Variants in NXPH1 observed in about 807,000 individuals in gnomAD.
NXPH1 encodes the protein neurexophilin-1.
A neutral mutation model predicts 23.7 loss-of-function variants in NXPH1; 5 were observed. The ratio of observed to expected loss-of-function variants is 0.21; its 90% confidence interval spans 0.11 to 0.44. NXPH1 has a LOEUF of 0.44. Ranked by LOEUF, NXPH1 falls within the 20% of genes least tolerant of loss-of-function variation. The pLI, the probability that NXPH1 is intolerant of heterozygous loss-of-function variation, is 0.99. For missense variants in NXPH1, 324 were observed against 321.6 expected (o/e 1.01, Z -0.06); for synonymous variants, 144 against 122.2 (o/e 1.18, Z -1.18).
At chr7:8,448,805 A>G (rs1348288232) in intron 2 of NXPH1, among the ~76,000 whole-genome samples, 1 of 142,804 alleles carries the variant, frequency 7.0e-6, no homozygotes, top group African/African-American at 2.8e-5. Flanking sequence ...ACAGAGCAAG[A>G]CTTCGTCTCG....
intron 2 of NXPH1, among the ~76,000 whole-genome samples, chr7:8,466,019 G>T (rs568480253): frequency 6.6e-6 from 1 of 152,124 alleles, no homozygotes. Flanking sequence ...TCCTTGACTC[G>T]CTTTAATTCA....
chr7:8,435,606 T>A lies in NXPH1; in HGVS notation c.-108T>A. ...TGTCTAATTTTATTTGCATCTAGGC[T>A]GCTGAGAGCGCTCCTTGCTCTGTAA... is the stretch of plus-strand genomic sequence containing the variant. On this transcript the variant is annotated splice_region_variant and 5_prime_UTR_variant, in exon 2 of 3. Coordinates refer to ENST00000405863, the MANE Select transcript of NXPH1 (RefSeq NM_152745.3). The surrounding 1 kb of genome is among the most constrained non-coding windows in gnomAD (Gnocchi z 5.9). 1 of 991,644 alleles carries A rather than the reference T, an allele frequency of 1.0e-6. No homozygotes were observed. The highest frequency in any genetic ancestry group is 1.6e-6 in the Non-Finnish European group (1 of 613,484). 61.4% of individuals were successfully genotyped at this position (991,644 alleles called of 1,614,324 possible). A position where few individuals can be genotyped will look rare whatever the true frequency, so the allele number is the denominator to read the frequency against.
At chr7:8,594,247 T>A (rs552800620) in intron 2 of NXPH1, among the ~76,000 whole-genome samples, 76 of 152,200 alleles carry the variant, frequency 5.0e-4, no homozygotes, top group African/African-American at 1.8e-3. Flanking sequence ...TCTTTTTCAC[T>A]CTGTAGTATT....
chr7:8,465,972 G>C (rs1264221597), intron 2 of NXPH1, among the ~76,000 whole-genome samples: 1 of 152,130 alleles, frequency 6.6e-6, no homozygotes, highest in Non-Finnish European at 1.5e-5. Context: ...AATTTCAATG[G>C]GTTGTTCTTA....
chr7:8,580,966 G>A (rs1034061560), intron 2 of NXPH1, among the ~76,000 whole-genome samples: 1 of 152,106 alleles, frequency 6.6e-6, no homozygotes, highest in African/African-American at 2.4e-5. Flanking sequence ...GTCCTCTAGT[G>A]TTTCTGAATG....
At chr7:8,492,453 T>A (rs1391482522) in intron 2 of NXPH1, among the ~76,000 whole-genome samples, 1 of 152,048 alleles carries the variant, frequency 6.6e-6, no homozygotes, top group Non-Finnish European at 1.5e-5. Flanking sequence ...ATAATCCATT[T>A]CAGGGGATGC....
chr7:8,521,687 A>G (rs1028359383), intron 2 of NXPH1, among the ~76,000 whole-genome samples: 3 of 152,236 alleles, frequency 2.0e-5, no homozygotes, highest in Non-Finnish European at 4.4e-5. Context: ...TTTAGACATC[A>G]TTGCATAGTC....
chr7:8,752,759 A>C lies in NXPH1; in HGVS notation c.*990A>C, dbSNP rs1780587352. On this transcript the variant is annotated 3_prime_UTR_variant, in exon 3 of 3. Transcript: ENST00000405863. ...TCTCTCTGCTTGTTATTGGTTAAGA[A>C]AAAAGGATATGAGGAATTCATTTTA... The C allele has an allele frequency of 1.3e-5, 2 of 152,464 alleles. No individual in the cohort carries two copies. Among genetic ancestry groups the C allele is most frequent in the African/African-American group, 4.8e-5 (2 of 41,398 alleles). 9.4% of individuals were successfully genotyped at this position (152,464 alleles called of 1,614,324 possible). A position where few individuals can be genotyped will look rare whatever the true frequency, so the allele number is the denominator to read the frequency against.
At chr7:8,584,540 A>G (rs1453536483) in intron 2 of NXPH1, among the ~76,000 whole-genome samples, 1 of 152,214 alleles carries the variant, frequency 6.6e-6, no homozygotes, top group Admixed American at 6.5e-5. Flanking sequence ...CTTTCTATAG[A>G]GACAAATACA....
intron 2 of NXPH1, among the ~76,000 whole-genome samples, chr7:8,746,162 T>C (rs1339490449): frequency 2.0e-5 from 3 of 152,214 alleles, no homozygotes; most frequent in African/African-American, 7.2e-5. Context: ...AGCTATTTTG[T>C]TAATAAGACA....
chr7:8,670,983 C>T (rs551802769), intron 2 of NXPH1, among the ~76,000 whole-genome samples: 107 of 152,270 alleles, frequency 7.0e-4, no homozygotes, highest in Non-Finnish European at 8.1e-4. Context: ...CTGCCTGAGT[C>T]ATCGTCATGT....
intron 2 of NXPH1, among the ~76,000 whole-genome samples, chr7:8,505,702 A>G (rs550045801): frequency 6.6e-6 from 1 of 152,080 alleles, no homozygotes; most frequent in Non-Finnish European, 1.5e-5. Context: ...AAAGTTTTGC[A>G]TACACTGAAC....
At chr7:8,497,017 T>G (rs1817348619) in intron 2 of NXPH1, among the ~76,000 whole-genome samples, 1 of 151,682 alleles carries the variant, frequency 6.6e-6, no homozygotes, top group Non-Finnish European at 1.5e-5. Flanking sequence ...ATCCCTCCCC[T>G]TACCCCATGA....
chr7:8,714,932 C>A (rs529558625), intron 2 of NXPH1, among the ~76,000 whole-genome samples: 1 of 152,118 alleles, frequency 6.6e-6, no homozygotes, highest in East Asian at 1.9e-4. Flanking sequence ...CACAAGCACT[C>A]CCTTAGCTTC....
rs76195978 is a variant in NXPH1, at chr7:8,570,754, A to T, written c.54+134987A>T. Among the ~76,000 whole-genome samples, 478 of 151,956 alleles carry T rather than the reference A, an allele frequency of 3.1e-3. 3 individuals carry two copies. The highest frequency in any genetic ancestry group is 0.011 in the African/African-American group (452 of 41,516). ...GAGTTTCAGGAGCAGAGAGAAGTGG[A>T]GTAGGGTTAGAGTTTAAAATGTGGG... is the stretch of plus-strand genomic sequence containing the variant. On this transcript the variant is annotated intron_variant, in intron 2 of 2. Coordinates refer to ENST00000405863, the MANE Select transcript of NXPH1 (RefSeq NM_152745.3).
chr7:8,635,025 C>T (rs947091996), intron 2 of NXPH1, among the ~76,000 whole-genome samples: 7 of 152,118 alleles, frequency 4.6e-5, no homozygotes, highest in African/African-American at 1.7e-4. Context: ...AGCTATAATA[C>T]TGGGAGTTTT....
At chr7:8,560,252 A>T (rs764055063) in intron 2 of NXPH1, among the ~76,000 whole-genome samples, 1 of 151,712 alleles carries the variant, frequency 6.6e-6, no homozygotes, top group Non-Finnish European at 1.5e-5. Flanking sequence ...CTCAAACCCA[A>T]CCTTCTCATA....
chr7:8,621,728 C>T (rs1005335848), intron 2 of NXPH1, among the ~76,000 whole-genome samples: 4 of 152,122 alleles, frequency 2.6e-5, no homozygotes, highest in Non-Finnish European at 5.9e-5. Flanking sequence ...TCAGGTGATC[C>T]ACCTGCCTTG....
intron 2 of NXPH1, among the ~76,000 whole-genome samples, chr7:8,688,597 G>A (rs891860429): frequency 6.6e-6 from 1 of 152,180 alleles, no homozygotes; most frequent in Non-Finnish European, 1.5e-5. Context: ...GCGATAGAAA[G>A]TAAGTGATGT....
Sources: allele counts gnomAD v4.1 joint callset (sites outside exome capture counted in the v4.1 genomes callset), GRCh38; gene constraint gnomAD v4.1.1; non-coding constraint Gnocchi (gnomAD v3.1); transcripts MANE v1.5; gene names NCBI Gene and HGNC (gene_info 2026-07-23, HGNC 2026-07-21).